Variants in SLC2A9 observed in about 807,000 individuals in gnomAD.
SLC2A9 encodes solute carrier family 2, facilitated glucose transporter member 9.
A neutral mutation model predicts 50.6 loss-of-function variants in SLC2A9; 39 were observed. That is an observed-to-expected ratio of 0.77 (90% CI 0.60 to 1.01). The LOEUF (loss-of-function observed/expected upper bound fraction) is 1.01, where lower values mean the gene tolerates loss of function less well. Among genes scored for constraint, SLC2A9 ranks in the 50% least tolerant of loss-of-function variants. The probability of loss-of-function intolerance (pLI) is 0.00; values close to 1 mark genes in which losing one functional copy is unlikely to be tolerated. For missense variants in SLC2A9, 686 were observed against 677.6 expected, an observed-to-expected ratio of 1.01 and a Z score of -0.14; for synonymous variants, 324 against 276.9, an observed-to-expected ratio of 1.17 and a Z score of -1.69.
At chr4:9,914,660 G>C (rs1281759929) in intron 7 of SLC2A9, among the ~76,000 whole-genome samples, 1 of 152,148 alleles carries the variant, frequency 6.6e-6, no homozygotes, top group East Asian at 1.9e-4. Context: ...GGGAGGGACG[G>C]GAGTCTGTGG....
intron 10 of SLC2A9, among the ~76,000 whole-genome samples, chr4:9,861,809 C>T (rs1047986272): frequency 6.6e-6 from 1 of 152,078 alleles, no homozygotes; most frequent in African/African-American, 2.4e-5. Flanking sequence ...CCAAGTATGT[C>T]GTAGGTGCTT....
intron 3 of SLC2A9, among the ~76,000 whole-genome samples, chr4:9,812,643 A>G (rs927228336): frequency 6.6e-6 from 1 of 152,160 alleles, no homozygotes; most frequent in Admixed American, 6.5e-5. Flanking sequence ...ATGCGTAGGT[A>G]GCTGAGAAGT....
chr4:9,956,004 A>C (rs1314160021), intron 5 of SLC2A9, among the ~76,000 whole-genome samples: 1 of 150,444 alleles, frequency 6.6e-6, no homozygotes, highest in Admixed American at 6.6e-5. Flanking sequence ...CAGCCTCCCG[A>C]GTAGCTGGGA....
At chr4:9,904,249 G>A (rs535610355) in intron 8 of SLC2A9, among the ~76,000 whole-genome samples, 1 of 152,300 alleles carries the variant, frequency 6.6e-6, no homozygotes, top group South Asian at 2.1e-4. Flanking sequence ...AGATCTTGCA[G>A]TGCAAACACG....
intron 10 of SLC2A9, among the ~76,000 whole-genome samples, chr4:9,852,581 A>G (rs1182932326): frequency 1.3e-5 from 2 of 152,224 alleles, no homozygotes; most frequent in African/African-American, 4.8e-5. Context: ...AGAAATTCCA[A>G]TCAAGAATTT....
At chr4:10,006,325 C>T (rs1299116365) in intron 2 of SLC2A9, among the ~76,000 whole-genome samples, 1 of 152,174 alleles carries the variant, frequency 6.6e-6, no homozygotes, top group Non-Finnish European at 1.5e-5. Flanking sequence ...CAGAGCCTCC[C>T]GTGAACTCAC....
chr4:9,973,344 C>T (rs74525744), intron 5 of SLC2A9, among the ~76,000 whole-genome samples: 1 of 152,136 alleles, frequency 6.6e-6, no homozygotes, highest in African/African-American at 2.4e-5. Context: ...GATGGATTCA[C>T]AGCCAAATTC....
At chr4:9,807,917 C>G (rs540730407) in intron 3 of SLC2A9, among the ~76,000 whole-genome samples, 1 of 152,188 alleles carries the variant, frequency 6.6e-6, no homozygotes, top group Non-Finnish European at 1.5e-5. Flanking sequence ...GACATGGTTT[C>G]GGCGAGCCCC....
chr4:9,782,361 C>A lies in SLC2A9; in HGVS notation n.386-2296G>T, dbSNP rs201570391. 3 of 1,614,012 alleles carry A rather than the reference C, an allele frequency of 1.9e-6. No individual in the cohort carries two copies. Among genetic ancestry groups the A allele is most frequent in the East Asian group, 2.2e-5 (1 of 44,882 alleles). ...GTGGCCGGTTACTGGCCCTTTGGAG[C>A]GTTCTGCGACGTCTGGGTGGCCTTC... On this transcript the variant is annotated intron_variant and non_coding_transcript_variant, in intron 3 of 3. Coordinates refer to the SLC2A9 transcript ENST00000503803.
intron 5 of SLC2A9, among the ~76,000 whole-genome samples, chr4:9,944,029 T>C (rs998602439): frequency 2.0e-5 from 3 of 152,232 alleles, no homozygotes; most frequent in Non-Finnish European, 4.4e-5. Context: ...CACAGTATCG[T>C]CACAGTGGGA....
chr4:9,782,585 G>C, intron 3 of SLC2A9: 1 of 1,613,946 alleles, frequency 6.2e-7, no homozygotes, highest in Non-Finnish European at 8.5e-7. Context: ...GGACCAGGCG[G>C]CCTCTTGGGG....
chr4:9,969,048 TA>T (rs1753483274), intron 5 of SLC2A9, among the ~76,000 whole-genome samples: 1 of 152,202 alleles, frequency 6.6e-6, no homozygotes, highest in Non-Finnish European at 1.5e-5. Context: ...AATGCTAAAT[TA>T]AATCTTTTTG....
intron 2 of SLC2A9, among the ~76,000 whole-genome samples, chr4:10,003,325 T>C (rs143175986): frequency 0.014 from 2,097 of 152,252 alleles, 21 homozygotes; most frequent in Middle Eastern, 0.054. Context: ...AGGATGCTGA[T>C]TGGGAGGAAA....
chr4:9,845,425 TTC>T (rs1197432593), intron 10 of SLC2A9, among the ~76,000 whole-genome samples: 1 of 138,022 alleles, frequency 7.2e-6, no homozygotes, highest in African/African-American at 3.0e-5. Context: ...GATCATCAAT[TTC>T]TTTTTTTTTT....
chr4:9,858,592 C>T lies in SLC2A9; in HGVS notation c.1292-23584G>A, dbSNP rs940222636. ...TAAGGGGGGATGGTATTAATAGTCACGTCAGGATGTCAGGCATAATCTGAG... is the reference window on the plus strand; with the variant it reads ...TAAGGGGGGATGGTATTAATAGTCATGTCAGGATGTCAGGCATAATCTGAG... On this transcript the variant is annotated intron_variant, in intron 10 of 11. Coordinates refer to ENST00000264784, the MANE Select transcript of SLC2A9 (RefSeq NM_020041.3). Among the ~76,000 whole-genome samples, 7 of 152,238 alleles carry T rather than the reference C, an allele frequency of 4.6e-5. No individual in the cohort carries two copies. In the East Asian group the frequency reaches 5.8e-4, roughly 13 times the overall value.
intron 3 of SLC2A9, among the ~76,000 whole-genome samples, chr4:9,815,375 T>C (rs1213528270): frequency 6.6e-6 from 1 of 152,212 alleles, no homozygotes; most frequent in East Asian, 1.9e-4. Flanking sequence ...CCTGCATGGA[T>C]TGAGTTTAGG....
intron 3 of SLC2A9, among the ~76,000 whole-genome samples, chr4:9,986,568 T>C (rs1326026147): frequency 2.0e-5 from 3 of 152,126 alleles, no homozygotes; most frequent in African/African-American, 4.8e-5. Flanking sequence ...CAGCATAGCG[T>C]TCTACAACTT....
chr4:9,882,323 A>AATGGGCATAAT (rs1452684228), intron 10 of SLC2A9, among the ~76,000 whole-genome samples: 8 of 152,118 alleles, frequency 5.3e-5, no homozygotes, highest in Admixed American at 2.6e-4. Context: ...TAAATTTCAA[A>AATGGGCATAAT]ATGGGCATAA....
At chr4:9,920,246 T>C in intron 7 of SLC2A9, 139 bp downstream of exon 7, 1 of 851,246 alleles carries the variant, frequency 1.2e-6, no homozygotes, top group Non-Finnish European at 1.9e-6. Context: ...TCAAGTTACA[T>C]GGTTACCTAA....
Sources: gnomAD v4.1 joint callset for allele counts (sites outside exome capture counted in the v4.1 genomes callset) on GRCh38, gnomAD v4.1.1 for gene constraint, MANE v1.5 for transcripts, NCBI Gene and HGNC (gene_info 2026-07-23, HGNC 2026-07-21) for gene names.